Variants in PRELID2 observed in about 807,000 individuals in gnomAD.
PRELID2 encodes PRELI domain containing 2, also known as PRELI domain-containing protein 2.
In PRELID2, 25 loss-of-function variants were observed where a neutral mutation model predicts 28.4. That is an observed-to-expected ratio of 0.88 (90% CI 0.64 to 1.23). PRELID2 has a LOEUF of 1.23. Among genes scored for constraint, PRELID2 ranks in the 50% most tolerant of loss-of-function variants. The probability of loss-of-function intolerance (pLI) is 0.00; values close to 1 mark genes in which losing one functional copy is unlikely to be tolerated. For synonymous variants in PRELID2, 76 were observed against 71.6 expected, an observed-to-expected ratio of 1.06 and a Z score of -0.31; for missense variants, 201 against 214.4, an observed-to-expected ratio of 0.94 and a Z score of 0.39.
chr5:145,564,293 T>C (rs1418087035), intron 1 of PRELID2, among the ~76,000 whole-genome samples: 1 of 152,242 alleles, frequency 6.6e-6, no homozygotes, highest in Admixed American at 6.5e-5. Context: ...TCTGAAGTCC[T>C]CACACACTTG....
intron 1 of PRELID2, among the ~76,000 whole-genome samples, chr5:145,550,480 C>T (rs541642740): frequency 1.5e-4 from 23 of 152,198 alleles, no homozygotes; most frequent in African/African-American, 5.3e-4. Context: ...GAGGCTGAGG[C>T]AGGAGGATCA....
intron 1 of PRELID2, among the ~76,000 whole-genome samples, chr5:145,620,836 C>CA (rs1270255052): frequency 6.6e-6 from 1 of 151,598 alleles, no homozygotes; most frequent in African/African-American, 2.4e-5. Flanking sequence ...CACACACACA[C>CA]ACACACAAAA....
At chr5:145,530,415 G>A (rs1367438774) in intron 1 of PRELID2, among the ~76,000 whole-genome samples, 2 of 151,934 alleles carry the variant, frequency 1.3e-5, no homozygotes, top group Non-Finnish European at 2.9e-5. Context: ...GTTCCACAGG[G>A]GCATTGTTTA....
intron 4 of PRELID2, among the ~76,000 whole-genome samples, chr5:145,809,370 G>A (rs1753776209): frequency 6.6e-6 from 1 of 151,802 alleles, no homozygotes; most frequent in Non-Finnish European, 1.5e-5. Flanking sequence ...ACACTGCCAT[G>A]GCCCAGCTAT....
At chr5:145,273,553 A>C in the PRELID2 span, among the ~76,000 whole-genome samples, 4 of 152,164 alleles carry the variant, frequency 2.6e-5, no homozygotes, top group Non-Finnish European at 5.9e-5. Flanking sequence ...GGTGTGACTC[A>C]TAAATCACTC....
the PRELID2 span, among the ~76,000 whole-genome samples, chr5:145,238,326 A>G: frequency 6.6e-6 from 1 of 152,132 alleles, no homozygotes. Context: ...TAGAGCCAAG[A>G]TTCAAAACCA....
the PRELID2 span, among the ~76,000 whole-genome samples, chr5:145,363,116 G>GAA: frequency 0.011 from 940 of 84,114 alleles, 14 homozygotes; most frequent in African/African-American, 0.035. Context: ...ATGGCTATAA[G>GAA]AAAAAAAAAA....
the PRELID2 span, among the ~76,000 whole-genome samples, chr5:145,360,661 T>C: frequency 6.6e-6 from 1 of 152,206 alleles, no homozygotes; most frequent in African/African-American, 2.4e-5. Flanking sequence ...CCACCTGTTC[T>C]TGACTACAAA....
chr5:145,386,422 G>A, the PRELID2 span, among the ~76,000 whole-genome samples: 2 of 152,050 alleles, frequency 1.3e-5, no homozygotes, highest in East Asian at 3.9e-4. Flanking sequence ...TCAGGATAAT[G>A]AGTGAGGTCT....
the PRELID2 span, among the ~76,000 whole-genome samples, chr5:145,322,324 G>A: frequency 6.6e-6 from 1 of 152,182 alleles, no homozygotes; most frequent in African/African-American, 2.4e-5. Flanking sequence ...TTAGGACCAG[G>A]AGAATAGGGC....
chr5:145,415,516 C>A, the PRELID2 span, among the ~76,000 whole-genome samples: 2 of 145,040 alleles, frequency 1.4e-5, no homozygotes, highest in Non-Finnish European at 3.0e-5. Flanking sequence ...CATCTATGAG[C>A]GAGAACATGC....
At chr5:145,708,964 A>G (rs1581082442) in intron 1 of PRELID2, among the ~76,000 whole-genome samples, 1 of 152,208 alleles carries the variant, frequency 6.6e-6, no homozygotes, top group East Asian at 1.9e-4. Flanking sequence ...TGGCCAGAAA[A>G]CTACACAAAG....
At position 145,759,419 on chromosome 5, in the gene PRELID2, G is replaced by A. The variant is rs953662167; in HGVS notation, c.*1117C>T. The A allele has an allele frequency of 1.1e-4, 16 of 152,102 alleles. No homozygotes were observed. The highest frequency in any genetic ancestry group is 3.9e-4 in the African/African-American group (16 of 41,428). 9.4% of individuals were successfully genotyped at this position (152,102 alleles called of 1,614,324 possible). On this transcript the variant is annotated 3_prime_UTR_variant, in exon 7 of 7. Coordinates refer to ENST00000683046, the MANE Select transcript of PRELID2 (RefSeq NM_205846.3). ...AGAAATGCAAACTACTGCCATCTAA[G>A]TTTCAAACAGTAGTACCACTTTACG...
intron 1 of PRELID2, among the ~76,000 whole-genome samples, chr5:145,743,149 C>G (rs1004430919): frequency 2.6e-5 from 4 of 151,982 alleles, no homozygotes; most frequent in African/African-American, 9.7e-5. Context: ...TGGCTCACAC[C>G]TGTAATCCTA....
At chr5:145,672,523 C>T (rs1295881887) in intron 1 of PRELID2, among the ~76,000 whole-genome samples, 5 of 151,206 alleles carry the variant, frequency 3.3e-5, no homozygotes, top group Non-Finnish European at 7.4e-5. Context: ...AAAACAGCCA[C>T]TTCAAATGAT....
In PRELID2 at chr5:145,625,701, T is replaced by C. The variant is rs141375699; in HGVS notation, n.70+139230A>G. Among the ~76,000 whole-genome samples, 28 of 152,258 alleles carry C rather than the reference T, an allele frequency of 1.8e-4. No individual in the cohort carries two copies. In the East Asian group the frequency reaches 3.3e-3, roughly 18 times the overall value. Reference sequence around the variant, plus strand: ...TTACTGTACTGAAGGAAGAACCAAATAGCACTGTAAGCCTCTGGCACTGTC... The same window carrying C: ...TTACTGTACTGAAGGAAGAACCAAACAGCACTGTAAGCCTCTGGCACTGTC... On this transcript the variant is annotated intron_variant and non_coding_transcript_variant, in intron 1 of 2. Transcript: ENST00000510259.
At chr5:145,787,839 C>T (rs1245969810) in intron 5 of PRELID2, among the ~76,000 whole-genome samples, 1 of 152,138 alleles carries the variant, frequency 6.6e-6, no homozygotes, top group Non-Finnish European at 1.5e-5. Flanking sequence ...CCACACCCTG[C>T]TATCTTCACT....
intron 1 of PRELID2, among the ~76,000 whole-genome samples, chr5:145,498,884 C>T (rs1752331008): frequency 6.6e-6 from 1 of 151,540 alleles, no homozygotes; most frequent in Non-Finnish European, 1.5e-5. Flanking sequence ...GGCCTGAGAA[C>T]TTGTCTCTTA....
In PRELID2 at chr5:145,541,618, C is replaced by T. The variant is rs1473765897; in HGVS notation, n.71-68303G>A. 4.6e-5 allele frequency among the ~76,000 whole-genome samples: 7 copies of T among 152,162 alleles called. No homozygotes were observed. The East Asian group carries it at 1.4e-3, about 29-fold the overall frequency. ...CTCTACTTTTGCTAAGTATATCCCA[C>T]ATATGCATTGTATAGTTTTATTTCT... On this transcript the variant is annotated intron_variant and non_coding_transcript_variant, in intron 1 of 2. Coordinates refer to the PRELID2 transcript ENST00000510259.
Sources: allele counts gnomAD v4.1 joint callset (sites outside exome capture counted in the v4.1 genomes callset), GRCh38; gene constraint gnomAD v4.1.1; transcripts MANE v1.5; gene names NCBI Gene and HGNC (gene_info 2026-07-23, HGNC 2026-07-21).